RSU1: variants seen among roughly 807,000 people sequenced by gnomAD.
The protein encoded by RSU1 is Ras suppressor protein 1.
A neutral mutation model predicts 31.1 loss-of-function variants in RSU1; 26 were observed. That is an observed-to-expected ratio of 0.84 (90% confidence interval 0.61 to 1.16). The LOEUF is 1.16. RSU1 is among the 50% of genes most tolerant of loss of function. The probability of loss-of-function intolerance (pLI) is 0.00; values close to 1 mark genes in which losing one functional copy is unlikely to be tolerated. For missense variants in RSU1, 320 were observed against 339.1 expected (o/e 0.94, Z 0.44); for synonymous variants, 164 against 136.3 (o/e 1.20, Z -1.41).
At chr10:16,735,888 GC>G (rs1336532105) in intron 7 of RSU1, among the ~76,000 whole-genome samples, 4 of 152,050 alleles carry the variant, frequency 2.6e-5, no homozygotes, top group Admixed American at 1.3e-4. Context: ...TTGGGTGGGG[GC>G]ACAGCCAAAC....
At chr10:16,804,420 G>C (rs1838223266) in intron 2 of RSU1, among the ~76,000 whole-genome samples, 1 of 152,168 alleles carries the variant, frequency 6.6e-6, no homozygotes. Flanking sequence ...CTCTTATAAA[G>C]CTAAACATAA....
intron 7 of RSU1, among the ~76,000 whole-genome samples, chr10:16,722,428 T>C (rs960266836): frequency 2.6e-5 from 4 of 152,128 alleles, no homozygotes. Context: ...GTATGAATGG[T>C]GGTGTCATCG....
chr10:16,748,749 T>G (rs1836911666), intron 7 of RSU1, among the ~76,000 whole-genome samples: 1 of 151,934 alleles, frequency 6.6e-6, no homozygotes, highest in South Asian at 2.1e-4. Context: ...CACTTACCAT[T>G]CTCTCTGTCA....
In RSU1 at chr10:16,695,091, G is replaced by A; in HGVS notation, c.663C>T (p.Pro221=). ...CGCCAAGCTGGAACTGGTCTGCAAT[G>A]GGGGTCACCCAGGGATTGTTCTCTG... ...FKAENNPWVT[P]IADQFQLGVS... is the part of the protein sequence containing the mutation. Residue 221 remains proline, a synonymous_variant, in exon 8 of 9, where the codon CCC becomes CCT. Coordinates refer to ENST00000345264, the MANE Select transcript of RSU1 (RefSeq NM_012425.4). 1.2e-6 allele frequency: 2 copies of A among 1,612,784 alleles called. No individual in the cohort carries two copies. The highest frequency in any genetic ancestry group is 1.7e-6 in the Non-Finnish European group (2 of 1,179,460).
intron 7 of RSU1, among the ~76,000 whole-genome samples, chr10:16,699,621 G>A (rs1256622770): frequency 3.3e-5 from 5 of 152,334 alleles, no homozygotes; most frequent in East Asian, 3.9e-4. Flanking sequence ...AAGGCTGAGC[G>A]GCGCTCTGGT....
chr10:16,601,763 C>T (rs538412555), intron 8 of RSU1, among the ~76,000 whole-genome samples: 3 of 152,242 alleles, frequency 2.0e-5, no homozygotes, highest in Non-Finnish European at 2.9e-5. Context: ...CACTAACAGG[C>T]GTGTGCAAGG....
intron 3 of RSU1, among the ~76,000 whole-genome samples, chr10:16,780,229 T>A (rs1413774659): frequency 2.0e-5 from 3 of 152,268 alleles, no homozygotes; most frequent in African/African-American, 7.2e-5. Context: ...AAAGAAGAGA[T>A]CAATGAATGA....
At chr10:16,761,834 C>T (rs76310677) in intron 4 of RSU1, among the ~76,000 whole-genome samples, 1,805 of 152,192 alleles carry the variant, frequency 0.012, 38 homozygotes, top group East Asian at 0.066. Flanking sequence ...CCAGCCTCGA[C>T]GACAGAGTGA....
chr10:16,802,852 A>T (rs552972623), intron 2 of RSU1, among the ~76,000 whole-genome samples: 3 of 152,280 alleles, frequency 2.0e-5, no homozygotes, highest in Admixed American at 6.5e-5. Context: ...AACTCTTAGC[A>T]AACTAGGAAT....
rs1835364329 is a variant in RSU1 at position 16,683,160 on chromosome 10, G to GGTGTGTGTGTTTGTGTGTGTGTGT, written c.731+11862_731+11863insACACACACACACAAACACACACAC. Among the ~76,000 whole-genome samples, 18 of 143,450 alleles carry GGTGTGTGTGTTTGTGTGTGTGTGT rather than the reference G, an allele frequency of 1.3e-4. No individual in the cohort carries two copies. The South Asian group carries it at 4.1e-3, about 32-fold the overall frequency. The allele number at this position is 143,450 out of a possible 152,430, so 94.1% of individuals were successfully genotyped here. A position where few individuals can be genotyped will look rare whatever the true frequency, so the allele number is the denominator to read the frequency against. On this transcript the variant is annotated intron_variant, in intron 8 of 8. Coordinates refer to ENST00000345264, the MANE Select transcript of RSU1 (RefSeq NM_012425.4). ...AGCCTTAAGAGAGGAATGGGTGTGT[G>GGTGTGTGTGTTTGTGTGTGTGTGT]GTGTGTGTGTGTGTGTGTGTGTGTT...
chr10:16,732,060 T>A (rs895901854), intron 7 of RSU1, among the ~76,000 whole-genome samples: 1 of 152,128 alleles, frequency 6.6e-6, no homozygotes, highest in African/African-American at 2.4e-5. Context: ...ATCAGTAGCT[T>A]CCACCAAACT....
At chr10:16,692,896 T>C (rs1227273622) in intron 8 of RSU1, among the ~76,000 whole-genome samples, 1 of 152,210 alleles carries the variant, frequency 6.6e-6, no homozygotes, top group Non-Finnish European at 1.5e-5. Context: ...ACGCTTTACA[T>C]TGCTTTTATA....
chr10:16,672,563 A>G (rs1012903296), intron 8 of RSU1, among the ~76,000 whole-genome samples: 6 of 152,234 alleles, frequency 3.9e-5, no homozygotes, highest in African/African-American at 1.2e-4. Context: ...GATGCATGGA[A>G]CAAGAATGAA....
intron 7 of RSU1, among the ~76,000 whole-genome samples, chr10:16,707,806 GAA>G (rs1328665322): frequency 6.6e-6 from 1 of 152,084 alleles, no homozygotes; most frequent in East Asian, 1.9e-4. Flanking sequence ...TCAATGCTGT[GAA>G]AAGTTTCCTC....
At chr10:16,710,633 C>T (rs1011528859) in intron 7 of RSU1, among the ~76,000 whole-genome samples, 2 of 151,802 alleles carry the variant, frequency 1.3e-5, no homozygotes, top group Non-Finnish European at 2.9e-5. Context: ...CCATCAGGTC[C>T]TAAGCTTTTC....
intron 3 of RSU1, among the ~76,000 whole-genome samples, chr10:16,768,550 C>A (rs1382709256): frequency 6.6e-6 from 1 of 152,184 alleles, no homozygotes; most frequent in Non-Finnish European, 1.5e-5. Context: ...GCCACAGGAT[C>A]ACAGGACTGC....
intron 3 of RSU1, among the ~76,000 whole-genome samples, chr10:16,780,195 T>C (rs1398771491): frequency 3.3e-5 from 5 of 152,198 alleles, no homozygotes; most frequent in African/African-American, 1.2e-4. Context: ...AGAAATAAAC[T>C]ACAGTGATCT....
intron 2 of RSU1, among the ~76,000 whole-genome samples, chr10:16,798,430 T>C (rs757996089): frequency 6.6e-6 from 1 of 152,198 alleles, no homozygotes; most frequent in Non-Finnish European, 1.5e-5. Flanking sequence ...GATAACTGAA[T>C]CATGGGGGTG....
chr10:16,680,267 G>T (rs1835305435), intron 8 of RSU1, among the ~76,000 whole-genome samples: 1 of 151,952 alleles, frequency 6.6e-6, no homozygotes, highest in African/African-American at 2.4e-5. Flanking sequence ...GCAGACACAG[G>T]CCTGTGTCTC....
Sources: gnomAD v4.1 joint callset for allele counts (sites outside exome capture counted in the v4.1 genomes callset) on GRCh38, gnomAD v4.1.1 for gene constraint, MANE v1.5 for transcripts, NCBI Gene and HGNC (gene_info 2026-07-23, HGNC 2026-07-21) for gene names.